Variants in TMEM178B observed in about 807,000 individuals in gnomAD.
The protein encoded by TMEM178B is transmembrane protein 178B.
Under a neutral mutation model 31.0 loss-of-function variants are expected in TMEM178B, and 5 were observed. The ratio of observed to expected loss-of-function variants is 0.16; its 90% confidence interval spans 0.08 to 0.34. TMEM178B has a LOEUF of 0.34. TMEM178B is among the 10% of genes least tolerant of loss of function. The pLI, the probability that TMEM178B is intolerant of heterozygous loss-of-function variation, is 1.00. For synonymous variants in TMEM178B, 164 were observed against 164.0 expected (o/e 1.00, Z 0.00); for missense variants, 275 against 400.3 (o/e 0.69, Z 2.67).
At chr7:141,374,762 G>A (rs1298090099) in intron 2 of TMEM178B, among the ~76,000 whole-genome samples, 1 of 152,130 alleles carries the variant, frequency 6.6e-6, no homozygotes, top group Non-Finnish European at 1.5e-5. Flanking sequence ...TTCTCTGTGC[G>A]ACTATAGATT....
chr7:141,350,542 G>A lies in TMEM178B; in HGVS notation c.497-87066G>A, dbSNP rs528912489. Among the ~76,000 whole-genome samples, 167 of 152,216 alleles carry A rather than the reference G, an allele frequency of 1.1e-3. 1 individual carries two copies. The highest frequency in any genetic ancestry group is 3.9e-3 in the African/African-American group (160 of 41,554). ...AAAAGAGGGATATATTAAATATGGT[G>A]CTGCTGACCTTGTATCTCCTAACAT... On this transcript the variant is annotated intron_variant, in intron 2 of 3. Transcript: ENST00000565468.
At chr7:141,451,607 C>T (rs1801864197) in intron 3 of TMEM178B, among the ~76,000 whole-genome samples, 1 of 152,164 alleles carries the variant, frequency 6.6e-6, no homozygotes, top group Non-Finnish European at 1.5e-5. Flanking sequence ...TAAGAGACGA[C>T]TCCACACGGC....
intron 1 of TMEM178B, among the ~76,000 whole-genome samples, chr7:141,174,740 G>T (rs1360013747): frequency 6.6e-6 from 1 of 152,096 alleles, no homozygotes; most frequent in Non-Finnish European, 1.5e-5. Flanking sequence ...TCATATGTTT[G>T]TTGGCCACAT....
At chr7:141,215,826 CTT>C (rs921727110) in intron 2 of TMEM178B, among the ~76,000 whole-genome samples, 2 of 51,740 alleles carry the variant, frequency 3.9e-5, no homozygotes, top group East Asian at 8.0e-4. Flanking sequence ...TTCTTTCTTT[CTT>C]TCTTTCTTTC....
At chr7:141,232,088 G>T (rs980758540) in intron 2 of TMEM178B, among the ~76,000 whole-genome samples, 14 of 152,264 alleles carry the variant, frequency 9.2e-5, no homozygotes, top group Admixed American at 9.2e-4. Context: ...GCAATAGTTT[G>T]CTGAGGATAA....
chr7:141,227,432 C>T (rs1397062854), intron 2 of TMEM178B, among the ~76,000 whole-genome samples: 4 of 152,188 alleles, frequency 2.6e-5, no homozygotes, highest in Non-Finnish European at 2.9e-5. Context: ...TGTGCAGAGG[C>T]TGTGCTAAGT....
intron 2 of TMEM178B, among the ~76,000 whole-genome samples, chr7:141,407,058 G>A (rs1341159378): frequency 6.6e-6 from 1 of 152,194 alleles, no homozygotes; most frequent in African/African-American, 2.4e-5. Context: ...CCCACCACCA[G>A]TCCCATACAG....
chr7:141,337,044 C>G (rs1219948839), intron 2 of TMEM178B, among the ~76,000 whole-genome samples: 1 of 70,692 alleles, frequency 1.4e-5, no homozygotes, highest in Admixed American at 1.3e-4. Context: ...ACCACCACCA[C>G]CACCATCACC....
intron 2 of TMEM178B, among the ~76,000 whole-genome samples, chr7:141,409,826 G>C (rs1414373754): frequency 6.6e-6 from 1 of 151,876 alleles, no homozygotes; most frequent in African/African-American, 2.4e-5. Context: ...CGTCCCTGCT[G>C]GGCATTCATT....
intron 2 of TMEM178B, among the ~76,000 whole-genome samples, chr7:141,364,250 A>T (rs1187461495): frequency 3.3e-5 from 5 of 152,218 alleles, no homozygotes; most frequent in Non-Finnish European, 7.3e-5. Context: ...ATTTCCCAGT[A>T]GCTGTATCAT....
intron 2 of TMEM178B, among the ~76,000 whole-genome samples, chr7:141,307,063 A>G (rs1354946764): frequency 6.6e-6 from 1 of 151,972 alleles, no homozygotes; most frequent in African/African-American, 2.4e-5. Flanking sequence ...TGTTTTTCTG[A>G]CTCAGCAGCC....
chr7:141,263,862 T>C (rs1248228372), intron 2 of TMEM178B, among the ~76,000 whole-genome samples: 3 of 152,226 alleles, frequency 2.0e-5, no homozygotes, highest in African/African-American at 7.2e-5. Flanking sequence ...ATGCATAGAA[T>C]GTACCAAAAG....
chr7:141,216,436 TGTGTGTGTGTGTGCGCGCGCGCGCGC>T (rs1248569931), intron 2 of TMEM178B, among the ~76,000 whole-genome samples: 1 of 73,286 alleles, frequency 1.4e-5, no homozygotes, highest in Admixed American at 1.5e-4. Context: ...TGTGTGTGTG[TGTGTGTGTGTGTGCGCGCGCGCGCGC>T]GTGTGTGTGT....
chr7:141,363,468 C>T (rs1799951286), intron 2 of TMEM178B, among the ~76,000 whole-genome samples: 1 of 152,148 alleles, frequency 6.6e-6, no homozygotes, highest in South Asian at 2.1e-4. Context: ...TTAATTTTCA[C>T]GTGAGAGAAA....
Position 141,240,996 on chromosome 7 carries a change from C to CT in TMEM178B, c.496+28307dup, listed in dbSNP as rs11285589. ...AACATTGTCATGTCCTCTGGGATCC[C>CT]TTTTTTTTTTTTTTTAAATTTATTT... On this transcript the variant is annotated intron_variant, in intron 2 of 3. Transcript: ENST00000565468. Among the ~76,000 whole-genome samples the CT allele has an allele frequency of 4.2e-3, 603 of 144,308 alleles. 3 individuals carry two copies. The highest frequency in any genetic ancestry group is 0.014 in the African/African-American group (565 of 39,140). The allele number at this position is 144,308 out of a possible 152,430, so 94.7% of individuals were successfully genotyped here.
intron 2 of TMEM178B, among the ~76,000 whole-genome samples, chr7:141,225,205 G>A (rs1797321559): frequency 6.6e-6 from 1 of 152,120 alleles, no homozygotes; most frequent in Admixed American, 6.5e-5. Context: ...CCGCCAGGGA[G>A]CCCCACACAT....
At chr7:141,493,652 G>A in the TMEM178B span, among the ~76,000 whole-genome samples, 2 of 152,050 alleles carry the variant, frequency 1.3e-5, no homozygotes, top group East Asian at 1.9e-4. Flanking sequence ...ATCACCTTCC[G>A]CTGCCCTGAC....
At chr7:141,226,961 C>T (rs924495682) in intron 2 of TMEM178B, among the ~76,000 whole-genome samples, 2 of 152,042 alleles carry the variant, frequency 1.3e-5, no homozygotes, top group African/African-American at 4.8e-5. Flanking sequence ...TTTACCATTC[C>T]TGGATGGAGC....
intron 2 of TMEM178B, among the ~76,000 whole-genome samples, chr7:141,323,005 T>C (rs1010282602): frequency 6.6e-6 from 1 of 152,206 alleles, no homozygotes; most frequent in Non-Finnish European, 1.5e-5. Flanking sequence ...CCTTTTGTTG[T>C]AAGGGAAGGA....
Sources: allele counts gnomAD v4.1 joint callset (sites outside exome capture counted in the v4.1 genomes callset), GRCh38; gene constraint gnomAD v4.1.1; transcripts MANE v1.5; gene names NCBI Gene and HGNC (gene_info 2026-07-23, HGNC 2026-07-21).